Variants in SLC2A13 observed in about 807,000 individuals in gnomAD.
SLC2A13 encodes the protein solute carrier family 2 member 13, also known as proton myo-inositol cotransporter.
In SLC2A13, 32 loss-of-function variants were observed where a neutral mutation model predicts 64.4. The ratio of observed to expected loss-of-function variants is 0.50; its 90% CI spans 0.37 to 0.67. SLC2A13 has a LOEUF of 0.67. Among genes scored for constraint, SLC2A13 ranks in the 30% least tolerant of loss-of-function variants. SLC2A13 has a pLI of 0.00. For synonymous variants in SLC2A13, 338 were observed against 327.1 expected (o/e 1.03, Z -0.36); for missense variants, 743 against 829.2 (o/e 0.90, Z 1.28).
intron 7 of SLC2A13, among the ~76,000 whole-genome samples, chr12:39,806,815 T>C (rs1282695349): frequency 6.6e-6 from 1 of 152,134 alleles, no homozygotes; most frequent in Non-Finnish European, 1.5e-5. Flanking sequence ...GAGTTAAAAT[T>C]GGAAACAACC....
In SLC2A13 at chr12:39,898,792, C is replaced by T. The variant is rs771718078; in HGVS notation, c.1035-26831G>A. ...ATCTCTCTCAATTATTCTCTCACAG[C>T]ATGAACAAATTAAATGTGCAAATGG... is the stretch of plus-strand genomic sequence containing the variant. On this transcript the variant is annotated intron_variant, in intron 4 of 9. Coordinates refer to ENST00000280871, the MANE Select transcript of SLC2A13 (RefSeq NM_052885.4). Among the ~76,000 whole-genome samples, 251 of 152,212 alleles carry T rather than the reference C, an allele frequency of 1.6e-3. 1 individual carries two copies. The highest frequency in any genetic ancestry group is 2.6e-3 in the Non-Finnish European group (178 of 67,990).
At chr12:39,862,526 A>T (rs1191258000) in intron 6 of SLC2A13, among the ~76,000 whole-genome samples, 1 of 152,246 alleles carries the variant, frequency 6.6e-6, no homozygotes, top group Non-Finnish European at 1.5e-5. Context: ...ATATGATGTT[A>T]CTAAGATATT....
intron 4 of SLC2A13, among the ~76,000 whole-genome samples, chr12:39,928,470 G>C (rs773466576): frequency 6.0e-4 from 91 of 152,202 alleles, no homozygotes; most frequent in Middle Eastern, 3.4e-3. Context: ...GAGCTAAAAT[G>C]CTAGATGCTC....
intron 3 of SLC2A13, among the ~76,000 whole-genome samples, chr12:40,004,995 G>T (rs966273337): frequency 2.6e-5 from 4 of 152,140 alleles, no homozygotes; most frequent in Non-Finnish European, 5.9e-5. Flanking sequence ...TGCTGTGTCA[G>T]AGGTGGCGGG....
chr12:40,040,324 T>G (rs989067548), intron 2 of SLC2A13, among the ~76,000 whole-genome samples: 3 of 152,226 alleles, frequency 2.0e-5, no homozygotes, highest in Non-Finnish European at 4.4e-5. Flanking sequence ...CTTAAACATA[T>G]TCTTCCCACC....
chr12:39,895,659 T>C (rs1231456336), intron 4 of SLC2A13, among the ~76,000 whole-genome samples: 1 of 130,056 alleles, frequency 7.7e-6, no homozygotes, highest in Non-Finnish European at 1.6e-5. Flanking sequence ...CGTACACACA[T>C]ATGTATATGC....
rs765795080 is a variant in SLC2A13, at chr12:40,105,353, G to C, written c.456C>G (p.Leu152=). ...CGGCGGTGAAGAGGGCACTGGCCAG[G>C]AGGATGGCAGCGCGGCGGCCGAAGA... ...NGVFGRRAAI[L]LASALFTAGS... Residue 152 remains leucine (L), a synonymous_variant, in exon 1 of 10, where the codon CTC becomes CTG. Transcript: ENST00000280871. The surrounding 1 kb of genome is among the most constrained non-coding windows in gnomAD (Gnocchi z 4.2). 3.7e-5 allele frequency: 59 copies of C among 1,589,334 alleles called. No individual in the cohort carries two copies. The highest frequency in any genetic ancestry group is 4.3e-5 in the Non-Finnish European group (50 of 1,169,154).
At chr12:40,051,190 A>G (rs553886099) in intron 1 of SLC2A13, among the ~76,000 whole-genome samples, 13 of 152,188 alleles carry the variant, frequency 8.5e-5, no homozygotes, top group Non-Finnish European at 1.5e-4. Flanking sequence ...AAAGCTATAC[A>G]CTGGATTCTA....
intron 6 of SLC2A13, among the ~76,000 whole-genome samples, chr12:39,836,096 G>C (rs1191917771): frequency 6.6e-6 from 1 of 152,066 alleles, no homozygotes; most frequent in Non-Finnish European, 1.5e-5. Flanking sequence ...AGCTCTCTTT[G>C]AAATCACAGC....
At chr12:39,999,778 T>A (rs1223222945) in intron 3 of SLC2A13, among the ~76,000 whole-genome samples, 1 of 152,224 alleles carries the variant, frequency 6.6e-6, no homozygotes, top group Non-Finnish European at 1.5e-5. Flanking sequence ...CTCAGAAGCA[T>A]GTGATCTTTG....
chr12:39,827,894 C>G (rs1393628090), intron 7 of SLC2A13, among the ~76,000 whole-genome samples: 2 of 151,998 alleles, frequency 1.3e-5, no homozygotes, highest in Non-Finnish European at 2.9e-5. Flanking sequence ...TTTCAGGAAA[C>G]AGCTACAGTT....
chr12:40,094,308 C>T lies in SLC2A13; in HGVS notation c.556+10945G>A, dbSNP rs188926928. 1.3e-3 allele frequency among the ~76,000 whole-genome samples: 201 copies of T among 152,194 alleles called. 2 individuals are homozygous for T. Among genetic ancestry groups the T allele is most frequent in the African/African-American group, 4.7e-3 (195 of 41,516 alleles). Reference sequence around the variant, plus strand: ...CTAGATTTGGGAGTTCTCTGCAACACAGAAGGTATTCCAAGCCATGAGACA... The same window carrying T: ...CTAGATTTGGGAGTTCTCTGCAACATAGAAGGTATTCCAAGCCATGAGACA... On this transcript the variant is annotated intron_variant, in intron 1 of 9. Transcript: ENST00000280871.
chr12:39,992,025 G>A (rs2136168047), intron 3 of SLC2A13, among the ~76,000 whole-genome samples: 1 of 152,232 alleles, frequency 6.6e-6, no homozygotes. Context: ...ATTTACAAAG[G>A]AGAGAGAAAC....
chr12:39,825,074 G>A (rs751503253), intron 7 of SLC2A13, among the ~76,000 whole-genome samples: 3 of 152,048 alleles, frequency 2.0e-5, no homozygotes, highest in Admixed American at 6.6e-5. Context: ...GAATGAATAC[G>A]GTAAACAATG....
At chr12:39,949,444 A>C (rs1946191683) in intron 4 of SLC2A13, 1 of 152,210 alleles carries the variant, frequency 6.6e-6, no homozygotes, top group Non-Finnish European at 1.5e-5. Flanking sequence ...ATATTAGAGA[A>C]TATCAGGATC....
At chr12:39,955,291 A>G (rs1946296781) in intron 3 of SLC2A13, among the ~76,000 whole-genome samples, 1 of 152,230 alleles carries the variant, frequency 6.6e-6, no homozygotes. Flanking sequence ...TAAAGCTGAA[A>G]GAATCTAAAC....
At chr12:40,011,931 C>G (rs990051868) in intron 3 of SLC2A13, among the ~76,000 whole-genome samples, 1 of 152,090 alleles carries the variant, frequency 6.6e-6, no homozygotes. Context: ...CTGCAGAGGT[C>G]GCGTGTCCAT....
intron 7 of SLC2A13, among the ~76,000 whole-genome samples, chr12:39,767,384 G>A (rs1002575334): frequency 2.0e-5 from 3 of 151,196 alleles, no homozygotes; most frequent in African/African-American, 7.3e-5. Flanking sequence ...AAGTGCTGTC[G>A]TCCAGGTTTT....
chr12:39,843,892 T>C (rs554907222), intron 6 of SLC2A13, among the ~76,000 whole-genome samples: 1 of 152,198 alleles, frequency 6.6e-6, no homozygotes, highest in East Asian at 1.9e-4. Flanking sequence ...TGAGCTATAG[T>C]ATATGATTAC....
Sources: allele counts gnomAD v4.1 joint callset (sites outside exome capture counted in the v4.1 genomes callset), GRCh38; gene constraint gnomAD v4.1.1; non-coding constraint Gnocchi (gnomAD v3.1); transcripts MANE v1.5; gene names NCBI Gene and HGNC (gene_info 2026-07-23, HGNC 2026-07-21).